Variants in GLRA3 observed in about 807,000 individuals in gnomAD.
The protein encoded by GLRA3 is glycine receptor subunit alpha-3.
GLRA3 carries 44 observed loss-of-function variants against 60.4 expected under a neutral mutation model. The observed-to-expected ratio is 0.73, with a 90% CI of 0.57 to 0.94. GLRA3 has a LOEUF of 0.94. Ranked by LOEUF, GLRA3 falls within the 40% of genes least tolerant of loss-of-function variation. GLRA3 has a pLI of 0.00. For synonymous variants in GLRA3, 223 were observed against 192.9 expected (o/e 1.16, Z -1.29); for missense variants, 508 against 564.6 (o/e 0.90, Z 1.02).
At chr4:174,763,473 C>A (rs1164927079) in intron 3 of GLRA3, among the ~76,000 whole-genome samples, 2 of 152,186 alleles carry the variant, frequency 1.3e-5, no homozygotes, top group Non-Finnish European at 2.9e-5. Flanking sequence ...TCTGTGGACA[C>A]CCTGAAGACC....
At chr4:174,781,007 A>G (rs10018685) in intron 2 of GLRA3, among the ~76,000 whole-genome samples, 38,322 of 152,060 alleles carry the variant, frequency 0.25, 5,033 homozygotes, top group Non-Finnish European at 0.3. Context: ...TCAACAGAAT[A>G]TACATTTTTT....
intron 3 of GLRA3, among the ~76,000 whole-genome samples, chr4:174,753,973 T>C (rs1460045679): frequency 3.3e-5 from 5 of 152,084 alleles, no homozygotes; most frequent in Admixed American, 2.0e-4. Context: ...ATTTTTTTTT[T>C]CCGTTGTCAT....
chr4:174,735,648 C>A (rs1736756051), intron 3 of GLRA3, among the ~76,000 whole-genome samples: 3 of 152,142 alleles, frequency 2.0e-5, no homozygotes, highest in Admixed American at 2.0e-4. Flanking sequence ...GCAACCTCCA[C>A]CTCTCTGGTT....
intron 2 of GLRA3, among the ~76,000 whole-genome samples, chr4:174,770,230 C>T (rs1359370208): frequency 6.6e-6 from 1 of 152,110 alleles, no homozygotes; most frequent in Non-Finnish European, 1.5e-5. Context: ...CTATACTACA[C>T]ATTGAAATCA....
At chr4:174,716,279 A>G (rs114582632) in intron 4 of GLRA3, among the ~76,000 whole-genome samples, 410 of 152,334 alleles carry the variant, frequency 2.7e-3, no homozygotes, top group African/African-American at 8.8e-3. Flanking sequence ...TTCTATGCTC[A>G]TCAAACAAAC....
chr4:174,695,659 TTCCCCTTG>T (rs1227790492), intron 5 of GLRA3, among the ~76,000 whole-genome samples: 3 of 152,098 alleles, frequency 2.0e-5, no homozygotes, highest in African/African-American at 7.2e-5. Flanking sequence ...GCTGGAAGCA[TTCCCCTTG>T]AAAACTGGCA....
At chr4:174,715,693 C>CT (rs1336903541) in intron 4 of GLRA3, 123 bp from the exon 5 acceptor site, 1 of 538,058 alleles carries the variant, frequency 1.9e-6, no homozygotes, top group African/African-American at 1.9e-5. Context: ...ATTTCTCCAG[C>CT]TTATGTATCC....
chr4:174,709,621 A>G (rs1358402250), intron 5 of GLRA3, among the ~76,000 whole-genome samples: 1 of 152,072 alleles, frequency 6.6e-6, no homozygotes, highest in African/African-American at 2.4e-5. Flanking sequence ...GATCAGAGGA[A>G]TAAACAGTAT....
At chr4:174,694,421 C>T (rs1162088955) in intron 5 of GLRA3, among the ~76,000 whole-genome samples, 3 of 151,972 alleles carry the variant, frequency 2.0e-5, no homozygotes, top group Admixed American at 6.6e-5. Flanking sequence ...AACAGAAGTC[C>T]GCACTATGAA....
rs1218931939 is a variant in GLRA3, at chr4:174,790,848, AAAG to A, written c.72-1908_72-1906del. Reference sequence around the variant, plus strand: ...TACAAAAAAAAAAAAAAAAAAAAAGAAAGAAATTAGCCGGGCGTAGTGGCGGGC... The same window carrying A: ...TACAAAAAAAAAAAAAAAAAAAAAGAAAATTAGCCGGGCGTAGTGGCGGGC... On this transcript the variant is annotated intron_variant, in intron 1 of 9. Coordinates refer to ENST00000274093, the MANE Select transcript of GLRA3 (RefSeq NM_006529.4). Among the ~76,000 whole-genome samples the A allele has an allele frequency of 7.6e-4, 104 of 136,294 alleles. 1 individual carries two copies. The highest frequency in any genetic ancestry group is 2.7e-3 in the African/African-American group (91 of 34,228). The allele number at this position is 136,294 out of a possible 152,430, so 89.4% of individuals were successfully genotyped here. A position where few individuals can be genotyped will look rare whatever the true frequency, so the allele number is the denominator to read the frequency against.
At chr4:174,771,082 T>TGGGGGGGGGGGGGGGGGGGGGG (rs1738362485) in intron 2 of GLRA3, among the ~76,000 whole-genome samples, 1 of 78,964 alleles carries the variant, frequency 1.3e-5, no homozygotes, top group Non-Finnish European at 2.3e-5. Context: ...GGAACTGTTG[T>TGGGGGGGGGGGGGGGGGGGGGG]GGGGTGGGGG....
intron 5 of GLRA3, among the ~76,000 whole-genome samples, chr4:174,690,026 T>C (rs531063227): frequency 3.9e-5 from 6 of 152,164 alleles, no homozygotes; most frequent in Admixed American, 2.0e-4. Flanking sequence ...ATAAAAAGAA[T>C]GAAACTATGT....
chr4:174,816,063 C>T (rs1383844835), intron 1 of GLRA3, among the ~76,000 whole-genome samples: 3 of 152,120 alleles, frequency 2.0e-5, no homozygotes, highest in Non-Finnish European at 2.9e-5. Context: ...AAACCATATC[C>T]CTTGATAAAA....
intron 3 of GLRA3, among the ~76,000 whole-genome samples, chr4:174,740,778 C>G (rs1736990396): frequency 6.6e-6 from 1 of 152,202 alleles, no homozygotes; most frequent in Non-Finnish European, 1.5e-5. Flanking sequence ...ATCCCTACAC[C>G]TATTCCCTCA....
rs1732693065 is a variant in GLRA3 at position 174,643,593 on chromosome 4, T to C, written c.*193A>G. 2 of 1,284,088 alleles carry C rather than the reference T, an allele frequency of 1.6e-6. No individual in the cohort carries two copies. Among genetic ancestry groups the C allele is most frequent in the South Asian group, 2.5e-5 (1 of 40,246 alleles). The allele number at this position is 1,284,088 out of a possible 1,614,324, so 79.5% of individuals were successfully genotyped here. A position where few individuals can be genotyped will look rare whatever the true frequency, so the allele number is the denominator to read the frequency against. The stretch of plus-strand genomic sequence containing the variant: ...ATGAAATAGAATCCCCTAATAAATA[T>C]TTTATATTCATTAAAAGAATCTCAT... On this transcript the variant is annotated 3_prime_UTR_variant, in exon 10 of 10. Transcript: ENST00000274093.
At chr4:174,650,692 C>T (rs1419574010) in intron 9 of GLRA3, among the ~76,000 whole-genome samples, 2 of 152,142 alleles carry the variant, frequency 1.3e-5, no homozygotes, top group Non-Finnish European at 1.5e-5. Flanking sequence ...GTATTCAAGA[C>T]CAACTCAAGG....
intron 5 of GLRA3, among the ~76,000 whole-genome samples, chr4:174,688,452 A>G (rs1481040525): frequency 6.7e-6 from 1 of 149,578 alleles, no homozygotes; most frequent in Non-Finnish European, 1.5e-5. Context: ...TTCTTTATAG[A>G]AGCAGAGACT....
intron 1 of GLRA3, among the ~76,000 whole-genome samples, chr4:174,791,504 G>A (rs1045470011): frequency 6.6e-6 from 1 of 152,088 alleles, no homozygotes; most frequent in Admixed American, 6.6e-5. Context: ...TTTCATGTCT[G>A]TCATGCTGCT....
chr4:174,782,012 C>A (rs546272634), intron 2 of GLRA3, among the ~76,000 whole-genome samples: 16 of 146,218 alleles, frequency 1.1e-4, no homozygotes, highest in Admixed American at 2.1e-4. Context: ...GAGACACAAC[C>A]AAAAAAGAGA....
Sources: gnomAD v4.1 joint callset for allele counts (sites outside exome capture counted in the v4.1 genomes callset) on GRCh38, gnomAD v4.1.1 for gene constraint, MANE v1.5 for transcripts, NCBI Gene and HGNC (gene_info 2026-07-23, HGNC 2026-07-21) for gene names.